Variants in EPB41L2 observed in about 807,000 individuals in gnomAD.
EPB41L2 encodes the protein band 4.1-like protein 2.
In EPB41L2, 43 loss-of-function variants were observed where a neutral mutation model predicts 113.0. That is an observed-to-expected ratio of 0.38 (90% CI 0.30 to 0.49). The LOEUF (loss-of-function observed/expected upper bound fraction) is 0.49. Ranked by LOEUF, EPB41L2 falls within the 20% of genes least tolerant of loss-of-function variation. The pLI is 0.95. For missense variants in EPB41L2, 1,147 were observed against 1,223.4 expected, an observed-to-expected ratio of 0.94 and a Z score of 0.93; for synonymous variants, 442 against 436.7, an observed-to-expected ratio of 1.01 and a Z score of -0.15.
chr6:130,850,624 T>C (rs1437143886), intron 19 of EPB41L2, among the ~76,000 whole-genome samples: 1 of 152,206 alleles, frequency 6.6e-6, no homozygotes, highest in Admixed American at 6.5e-5. Context: ...AAATTCTCTA[T>C]CTCTGGGAGC....
intron 9 of EPB41L2, 24 bp downstream of exon 9, chr6:130,894,943 C>A: frequency 6.2e-7 from 1 of 1,600,974 alleles, no homozygotes; most frequent in East Asian, 2.2e-5. Context: ...CTAACAACAA[C>A]TGATTAGAAA....
rs1459842965 is a variant in EPB41L2 at position 130,871,214 on chromosome 6, C to A, written c.2044-1088G>T. On this transcript the variant is annotated intron_variant, in intron 14 of 19. Coordinates refer to ENST00000337057, the MANE Select transcript of EPB41L2 (RefSeq NM_001431.4). ...TGATATTATTAACTAGGGTGGAAAC[C>A]TTTTTGTACAGAGGGGTTTTTAAAG... Among the ~76,000 whole-genome samples, 9 of 152,066 alleles carry A rather than the reference C, an allele frequency of 5.9e-5. No individual in the cohort carries two copies. In the East Asian group the frequency reaches 1.5e-3, roughly 26 times the overall value.
At chr6:130,968,746 TA>T (rs1201127508) in intron 1 of EPB41L2, among the ~76,000 whole-genome samples, 273 of 148,970 alleles carry the variant, frequency 1.8e-3, no homozygotes, top group African/African-American at 6.3e-3. Context: ...TTTTTTTTTT[TA>T]AAGTTAAGTA....
chr6:131,036,824 C>G (rs1793416383), intron 1 of EPB41L2, among the ~76,000 whole-genome samples: 1 of 152,148 alleles, frequency 6.6e-6, no homozygotes, highest in African/African-American at 2.4e-5. Context: ...AATAGGACAT[C>G]TGAGAATAGG....
Position 130,869,871 on chromosome 6 carries a change from T to G in EPB41L2, c.2299A>C (p.Ile767Leu), listed in dbSNP as rs1785069914. 1.2e-6 allele frequency: 2 copies of G among 1,613,210 alleles called. No homozygotes were observed. Among genetic ancestry groups the G allele is most frequent in the African/African-American group, 1.3e-5 (1 of 74,858 alleles). Reference protein sequence around the residue: ...RPHHRVTEGTIREEQEYEEEV... With the variant: ...RPHHRVTEGTLREEQEYEEEV... Reference sequence around the variant, plus strand: ...TCTTCATACTCCTGTTCCTCCCTGATGGTGCCCTCGGTCACTCGGTGGTGG... The same window carrying G: ...TCTTCATACTCCTGTTCCTCCCTGAGGGTGCCCTCGGTCACTCGGTGGTGG... Residue 767 changes from isoleucine (I) to leucine (L), a missense_variant, in exon 15 of 20, where the codon ATC becomes CTC. Physicochemically the swap from Ile to Leu is conservative, Grantham distance 5 (BLOSUM62 2). Coordinates refer to ENST00000337057, the MANE Select transcript of EPB41L2 (RefSeq NM_001431.4).
intron 14 of EPB41L2, chr6:130,872,469 A>C (rs1375355943): frequency 7.8e-7 from 1 of 1,289,372 alleles, no homozygotes; most frequent in East Asian, 5.6e-5. Flanking sequence ...GCTGAAGTGA[A>C]GGTGGCTTTC....
intron 2 of EPB41L2, 115 bp downstream of exon 2, chr6:130,955,879 C>T (rs1362434074): frequency 4.7e-5 from 70 of 1,493,700 alleles, no homozygotes; most frequent in Non-Finnish European, 5.6e-5. Context: ...ATACATTAAG[C>T]TAAAGCAGTA....
chr6:131,026,308 A>G (rs1790859145), intron 1 of EPB41L2, among the ~76,000 whole-genome samples: 1 of 152,186 alleles, frequency 6.6e-6, no homozygotes. Flanking sequence ...CCCATAATAC[A>G]CCATCTGACA....
chr6:130,975,516 C>T (rs550556774), intron 1 of EPB41L2, among the ~76,000 whole-genome samples: 1 of 152,244 alleles, frequency 6.6e-6, no homozygotes, highest in South Asian at 2.1e-4. Flanking sequence ...GGCTCAAAAA[C>T]CTTAAGAGAC....
At chr6:130,916,953 C>A (rs1467729442) in intron 4 of EPB41L2, among the ~76,000 whole-genome samples, 3 of 152,214 alleles carry the variant, frequency 2.0e-5, no homozygotes, top group Non-Finnish European at 4.4e-5. Context: ...TCAGCCTTCA[C>A]TGAGTAAACC....
intron 3 of EPB41L2, among the ~76,000 whole-genome samples, chr6:130,937,559 G>C (rs1295374434): frequency 2.0e-5 from 3 of 152,182 alleles, no homozygotes; most frequent in African/African-American, 4.8e-5. Flanking sequence ...GGTGGCTCAT[G>C]CCTGTAATCC....
intron 3 of EPB41L2, among the ~76,000 whole-genome samples, chr6:130,936,025 CAA>C (rs991263035): frequency 6.6e-6 from 1 of 152,090 alleles, no homozygotes; most frequent in Non-Finnish European, 1.5e-5. Context: ...AAATTTTATA[CAA>C]AAAAAGTTTT....
intron 1 of EPB41L2, among the ~76,000 whole-genome samples, chr6:130,991,930 C>G (rs965604125): frequency 6.6e-6 from 1 of 152,000 alleles, no homozygotes; most frequent in Non-Finnish European, 1.5e-5. Flanking sequence ...TAAACATACA[C>G]CCACCCGTTG....
chr6:131,060,410 C>T (rs1798428976), intron 1 of EPB41L2, among the ~76,000 whole-genome samples: 1 of 152,234 alleles, frequency 6.6e-6, no homozygotes, highest in Non-Finnish European at 1.5e-5. Flanking sequence ...TGGTTGTGGA[C>T]TGCTTTGTCA....
chr6:131,057,111 C>A (rs1367655686), intron 1 of EPB41L2, among the ~76,000 whole-genome samples: 2 of 152,152 alleles, frequency 1.3e-5, no homozygotes, highest in Non-Finnish European at 2.9e-5. Context: ...CTTCCATCTT[C>A]TAATCTCGAA....
In EPB41L2 at chr6:130,954,184, C is replaced by G. The variant is rs141765578; in HGVS notation, c.705+921G>C. On this transcript the variant is annotated intron_variant, in intron 3 of 19. Transcript: ENST00000337057. ...TCTCCTGCCTCAGCCTCCCCAGTAGCTGGGAATACTGGCGCCCGCCACTAC... is the reference window on the plus strand; with the variant it reads ...TCTCCTGCCTCAGCCTCCCCAGTAGGTGGGAATACTGGCGCCCGCCACTAC... Among the ~76,000 whole-genome samples, 610 of 150,892 alleles carry G rather than the reference C, an allele frequency of 4.0e-3. 2 individuals carry two copies. Among genetic ancestry groups the G allele is most frequent in the African/African-American group, 0.014 (594 of 41,260 alleles).
At chr6:131,059,231 C>T (rs1798207294) in intron 1 of EPB41L2, among the ~76,000 whole-genome samples, 1 of 151,556 alleles carries the variant, frequency 6.6e-6, no homozygotes, top group African/African-American at 2.4e-5. Flanking sequence ...TCTCCTGCCT[C>T]AGCCTCCCGA....
intron 1 of EPB41L2, among the ~76,000 whole-genome samples, chr6:131,029,395 A>T (rs1221595532): frequency 1.3e-5 from 2 of 149,786 alleles, no homozygotes; most frequent in African/African-American, 4.9e-5. Flanking sequence ...TTTGTTTAAA[A>T]AAAAAAAAAA....
chr6:131,031,815 G>A (rs1220202042), intron 1 of EPB41L2, among the ~76,000 whole-genome samples: 1 of 152,016 alleles, frequency 6.6e-6, no homozygotes, highest in Admixed American at 6.6e-5. Flanking sequence ...ACACAAATGA[G>A]AACTAGAAAA....
Sources: allele counts gnomAD v4.1 joint callset (sites outside exome capture counted in the v4.1 genomes callset), GRCh38; gene constraint gnomAD v4.1.1; transcripts MANE v1.5; gene names NCBI Gene and HGNC (gene_info 2026-07-23, HGNC 2026-07-21).